Variants in NBEAL1 observed in about 807,000 individuals in gnomAD.
NBEAL1 encodes neurobeachin like 1.
Under a neutral mutation model 351.3 loss-of-function variants are expected in NBEAL1, and 273 were observed. The observed-to-expected ratio is 0.78, with a 90% CI of 0.70 to 0.86. The LOEUF is 0.86. Ranked by LOEUF, NBEAL1 falls within the 40% of genes least tolerant of loss-of-function variation. NBEAL1 has a pLI of 0.00. For synonymous variants in NBEAL1, 1,050 were observed against 1,086.4 expected (o/e 0.97, Z 0.66); for missense variants, 2,961 against 3,201.3 (o/e 0.92, Z 1.81).
Position 203,122,271 on chromosome 2 carries a change from C to A in NBEAL1, c.2610C>A (p.Ile870=). The A allele has an allele frequency of 6.5e-7, 1 of 1,531,550 alleles. No individual in the cohort carries two copies. The highest frequency in any genetic ancestry group is 8.8e-7 in the Non-Finnish European group (1 of 1,140,448). The allele number at this position is 1,531,550 out of a possible 1,614,324, so 94.9% of individuals were successfully genotyped here. Residue 870 remains isoleucine, a synonymous_variant, in exon 19 of 56, where the codon ATC becomes ATA. Coordinates refer to ENST00000683969, the MANE Select transcript of NBEAL1 (RefSeq NM_001378026.1). ...ATTCTTAGGCCTGCAAAAATTCAAT[C>A]TGTCTTGATTTATCTACTAATTGTT... The part of the protein sequence containing the change: ...YYTAKACKNS[I]CLDLSTNCLH...
intron 2 of NBEAL1, among the ~76,000 whole-genome samples, chr2:203,032,660 CTTTTTTT>C (rs747309074): frequency 1.4e-5 from 1 of 70,144 alleles, no homozygotes; most frequent in South Asian, 7.7e-4. Context: ...GAAATTGTAG[CTTTTTTT>C]TTTTTTTTTT....
At chr2:203,122,170 G>C in intron 18 of NBEAL1, 84 bp from the exon 19 acceptor site, 1 of 709,240 alleles carries the variant, frequency 1.4e-6, no homozygotes, top group Non-Finnish European at 2.3e-6. Flanking sequence ...ATTCCTTTTT[G>C]TATTATGGTG....
chr2:203,068,341 C>A (rs918906542), intron 6 of NBEAL1, 52 bp from the exon 7 acceptor site: 24 of 792,732 alleles, frequency 3.0e-5, no homozygotes, highest in Non-Finnish European at 4.5e-5. Flanking sequence ...GTAATTGTGC[C>A]GTGTCTGCTT....
intron 10 of NBEAL1, among the ~76,000 whole-genome samples, chr2:203,086,400 G>A (rs982063627): frequency 2.0e-5 from 3 of 152,078 alleles, no homozygotes; most frequent in African/African-American, 7.2e-5. Flanking sequence ...TTGGATGTGT[G>A]GCTTTAGATA....
chr2:203,029,026 C>A (rs998128954), intron 2 of NBEAL1, among the ~76,000 whole-genome samples: 1 of 152,164 alleles, frequency 6.6e-6, no homozygotes, highest in African/African-American at 2.4e-5. Context: ...TGCTCTGCTG[C>A]TCAGGCTGGA....
In NBEAL1 at chr2:203,166,310, G is replaced by A; in HGVS notation, c.5863+13G>A. The A allele has an allele frequency of 6.3e-7, 1 of 1,589,210 alleles. No homozygotes were observed. Among genetic ancestry groups the A allele is most frequent in the Non-Finnish European group, 8.5e-7 (1 of 1,173,402 alleles). On this transcript the variant is annotated intron_variant, in intron 37 of 55. Transcript: ENST00000683969. ...GAAAAAGAAGATGGTGAGGAGTTCT[G>A]GAAAAAATAATTTTTGCTGTTCAAT...
intron 44 of NBEAL1, 63 bp downstream of exon 44, chr2:203,183,451 A>T: frequency 2.1e-6 from 2 of 932,898 alleles, no homozygotes; most frequent in Non-Finnish European, 3.3e-6. Flanking sequence ...TTTCCAGAGG[A>T]TGGGATAATC....
chr2:203,207,455 T>G (rs1217963231), intron 51 of NBEAL1, among the ~76,000 whole-genome samples: 1 of 152,114 alleles, frequency 6.6e-6, no homozygotes, highest in Non-Finnish European at 1.5e-5. Flanking sequence ...CAATGGCGGT[T>G]TTGTGGAATA....
chr2:203,127,641 G>A (rs1260533552), intron 23 of NBEAL1, 140 bp from the exon 24 acceptor site: 2 of 439,626 alleles, frequency 4.5e-6, no homozygotes, highest in Non-Finnish European at 8.4e-6. Flanking sequence ...AGAATCGCTT[G>A]AACCCAGAAG....
chr2:203,206,588 G>C (rs2065575063), intron 51 of NBEAL1, among the ~76,000 whole-genome samples: 1 of 49,610 alleles, frequency 2.0e-5, no homozygotes, highest in Admixed American at 2.9e-4. Context: ...ACTGGTTTTC[G>C]TATTTTTTGG....
chr2:203,185,424 T>C (rs1015809892), intron 44 of NBEAL1, among the ~76,000 whole-genome samples: 4 of 152,206 alleles, frequency 2.6e-5, no homozygotes, highest in Admixed American at 2.6e-4. Context: ...AAATACCTAA[T>C]GTAGATGACG....
chr2:203,219,662 T>C lies in NBEAL1; in HGVS notation c.*2308T>C, dbSNP rs1450525112. ...CAAGGTCAGGAGTTCAAGACCAGCC[T>C]GGCCAACACAGTGAAACCCTTTCTC... On this transcript the variant is annotated 3_prime_UTR_variant, in exon 56 of 56. Coordinates refer to ENST00000683969, the MANE Select transcript of NBEAL1 (RefSeq NM_001378026.1). The C allele has an allele frequency of 1.3e-5, 2 of 152,152 alleles. No individual in the cohort carries two copies. Among genetic ancestry groups the C allele is most frequent in the Non-Finnish European group, 2.9e-5 (2 of 68,052 alleles). 9.4% of individuals were successfully genotyped at this position (152,152 alleles called of 1,614,324 possible).
intron 54 of NBEAL1, among the ~76,000 whole-genome samples, chr2:203,211,696 G>C (rs990929568): frequency 1.3e-5 from 2 of 152,138 alleles, no homozygotes; most frequent in Non-Finnish European, 2.9e-5. Context: ...ATAGTACCAA[G>C]TCTGTATTAT....
chr2:203,191,973 C>T (rs1339382554), intron 46 of NBEAL1, among the ~76,000 whole-genome samples: 1 of 152,160 alleles, frequency 6.6e-6, no homozygotes, highest in African/African-American at 2.4e-5. Context: ...ATCTTTGTAT[C>T]ACTCTTGAAT....
intron 53 of NBEAL1, among the ~76,000 whole-genome samples, chr2:203,209,845 C>T (rs997746301): frequency 6.6e-6 from 1 of 151,810 alleles, no homozygotes; most frequent in African/African-American, 2.4e-5. Context: ...AACTCCTGGG[C>T]TTATGTGATA....
rs1315073804 is a variant in NBEAL1 at position 203,180,527 on chromosome 2, A to G, written c.6595+15A>G. 6.3e-7 allele frequency: 1 copy of G among 1,594,186 alleles called. No homozygotes were observed. Among genetic ancestry groups the G allele is most frequent in the Admixed American group, 1.7e-5 (1 of 57,470 alleles). On this transcript the variant is annotated intron_variant, in intron 43 of 55. Coordinates refer to ENST00000683969, the MANE Select transcript of NBEAL1 (RefSeq NM_001378026.1). ...AAATCAAAATCGTAAGAAATAGAGG[A>G]TTAAAAATTTGACTAGCAGGTCCCA...
intron 12 of NBEAL1, among the ~76,000 whole-genome samples, chr2:203,104,076 C>G (rs977860762): frequency 6.6e-6 from 1 of 152,052 alleles, no homozygotes; most frequent in East Asian, 1.9e-4. Flanking sequence ...AATGTATATT[C>G]TCTTGTTTTG....
At chr2:203,075,848 C>T (rs2061762030) in intron 7 of NBEAL1, among the ~76,000 whole-genome samples, 1 of 152,178 alleles carries the variant, frequency 6.6e-6, no homozygotes, top group Non-Finnish European at 1.5e-5. Context: ...AACTGATTTT[C>T]TCCAGTTTTC....
chr2:203,068,244 TC>T (rs1446354622), intron 6 of NBEAL1, 148 bp from the exon 7 acceptor site: 11 of 429,728 alleles, frequency 2.6e-5, no homozygotes, highest in African/African-American at 1.4e-4. Context: ...TGGCTAGACT[TC>T]CTTTTCAAGA....
Sources: gnomAD v4.1 joint callset for allele counts (sites outside exome capture counted in the v4.1 genomes callset) on GRCh38, gnomAD v4.1.1 for gene constraint, MANE v1.5 for transcripts, NCBI Gene and HGNC (gene_info 2026-07-23, HGNC 2026-07-21) for gene names.